Variants in FHOD3 observed in about 807,000 individuals in gnomAD.
The protein encoded by FHOD3 is FH1/FH2 domain-containing protein 3.
FHOD3 carries 90 observed loss-of-function variants against 173.0 expected under a neutral mutation model. That is an observed-to-expected ratio of 0.52 (90% CI 0.44 to 0.62). The LOEUF (loss-of-function observed/expected upper bound fraction) is 0.62. Ranked by LOEUF, FHOD3 falls within the 20% of genes least tolerant of loss-of-function variation. The probability of loss-of-function intolerance (pLI) is 0.00; values close to 1 mark genes in which losing one functional copy is unlikely to be tolerated. For missense variants in FHOD3, 1,945 were observed against 2,034.7 expected, an observed-to-expected ratio of 0.96 and a Z score of 0.85; for synonymous variants, 828 against 823.0, an observed-to-expected ratio of 1.01 and a Z score of -0.10.
Position 36,516,116 on chromosome 18 carries a change from C to CT in FHOD3, c.511+3581dup, listed in dbSNP as rs910394436. ...GACTTTGAACAATTTCTCACGTAGG[C>CT]TTTTTTTTAAGGTTCTGATAACTGC... On this transcript the variant is annotated intron_variant, in intron 5 of 28. Transcript: ENST00000590592. Among the ~76,000 whole-genome samples the CT allele has an allele frequency of 8.6e-5, 13 of 151,962 alleles. No individual in the cohort carries two copies. The South Asian group carries it at 1.7e-3, about 19-fold the overall frequency.
intron 19 of FHOD3, among the ~76,000 whole-genome samples, chr18:36,725,202 G>C (rs530283752): frequency 1.3e-5 from 2 of 152,338 alleles, no homozygotes; most frequent in African/African-American, 4.8e-5. Context: ...TGCTGAGGAA[G>C]AGGGCAGAGC....
At chr18:36,605,753 C>G (rs1000830258) in intron 8 of FHOD3, among the ~76,000 whole-genome samples, 2 of 152,130 alleles carry the variant, frequency 1.3e-5, no homozygotes, top group Admixed American at 6.6e-5. Flanking sequence ...GTAAACTCCT[C>G]TGAGATACCA....
chr18:36,640,354 C>A (rs1399432366), intron 10 of FHOD3, among the ~76,000 whole-genome samples: 1 of 152,108 alleles, frequency 6.6e-6, no homozygotes, highest in East Asian at 1.9e-4. Flanking sequence ...TTCAAGTTGG[C>A]CAGATATTTG....
chr18:36,747,517 T>G (rs540660497), intron 24 of FHOD3, among the ~76,000 whole-genome samples: 2 of 152,242 alleles, frequency 1.3e-5, no homozygotes, highest in East Asian at 3.9e-4. Flanking sequence ...CTCCTTTACC[T>G]GATCTGCAGC....
chr18:36,540,011 T>C (rs1276588202), intron 5 of FHOD3, among the ~76,000 whole-genome samples: 2 of 152,220 alleles, frequency 1.3e-5, no homozygotes, highest in Admixed American at 6.5e-5. Context: ...ATTTAAATCA[T>C]GATCCCTTTC....
intron 24 of FHOD3, among the ~76,000 whole-genome samples, chr18:36,753,122 A>G (rs1284415052): frequency 6.6e-6 from 1 of 152,178 alleles, no homozygotes; most frequent in Non-Finnish European, 1.5e-5. Flanking sequence ...TGCAGCTGTC[A>G]GTAGGGAAAA....
chr18:36,730,896 C>T, intron 20 of FHOD3, 92 bp downstream of exon 20: 1 of 1,347,512 alleles, frequency 7.4e-7, no homozygotes, highest in Non-Finnish European at 1.0e-6. Context: ...ATCCATGGTG[C>T]CTTTCTGTCT....
At chr18:36,557,095 A>G (rs535185934) in intron 5 of FHOD3, among the ~76,000 whole-genome samples, 31 of 152,152 alleles carry the variant, frequency 2.0e-4, no homozygotes, top group Non-Finnish European at 2.2e-4. Context: ...TTCTGTATCA[A>G]TGGTTTTCAT....
intron 3 of FHOD3, among the ~76,000 whole-genome samples, chr18:36,463,246 G>C (rs1332506484): frequency 6.7e-6 from 1 of 149,124 alleles, no homozygotes; most frequent in Non-Finnish European, 1.5e-5. Context: ...GAATAAATAG[G>C]AATTATTTTC....
chr18:36,643,273 G>A (rs1261778249), intron 10 of FHOD3, among the ~76,000 whole-genome samples: 2 of 152,036 alleles, frequency 1.3e-5, no homozygotes, highest in South Asian at 2.1e-4. Context: ...CACTGTTGAC[G>A]TTTTGAACTG....
chr18:36,481,020 GTTTTTT>G (rs35793521), intron 3 of FHOD3, among the ~76,000 whole-genome samples: 10 of 104,432 alleles, frequency 9.6e-5, no homozygotes, highest in South Asian at 3.2e-4. Context: ...TTGGGAGGTG[GTTTTTT>G]TTTTTTTTTT....
intron 1 of FHOD3, among the ~76,000 whole-genome samples, chr18:36,312,320 A>G (rs76537693): frequency 6.6e-6 from 1 of 151,488 alleles, no homozygotes; most frequent in Non-Finnish European, 1.5e-5. Context: ...CAAAGACCAC[A>G]CCTCCTCCTC....
chr18:36,338,622 C>T (rs1296274195), intron 1 of FHOD3, among the ~76,000 whole-genome samples: 3 of 152,154 alleles, frequency 2.0e-5, no homozygotes, highest in Non-Finnish European at 4.4e-5. Context: ...CCCTTAAGGG[C>T]TGTTTTCTGG....
rs764871748 is a variant in FHOD3, at chr18:36,658,196, C to T, written c.1835+8C>T. The T allele has an allele frequency of 5.1e-6, 8 of 1,561,482 alleles. No homozygotes were observed. Among genetic ancestry groups the T allele is most frequent in the South Asian group, 2.3e-5 (2 of 85,932 alleles). On this transcript the variant is annotated splice_region_variant and intron_variant, in intron 14 of 28. Transcript: ENST00000590592. ...GGAGGCCAGGTTGGAAAGGTGAGTT[C>T]GACAAGCACGCTGATAGCTTCACAG...
rs2040741193 is a variant in FHOD3, at chr18:36,720,779, TCTTCCTCCTCC to T, written c.3417+2065_3417+2075del. On this transcript the variant is annotated intron_variant, in intron 19 of 28. Coordinates refer to ENST00000590592, the MANE Select transcript of FHOD3 (RefSeq NM_001281740.3). ...CTCCTGCTCCTTCTCCTCCTCCTCC[TCTTCCTCCTCC>T]TCTTCCTCCTCCTCTTCCTCCCCTC... 6.2e-4 allele frequency among the ~76,000 whole-genome samples: 23 copies of T among 37,326 alleles called. 1 individual carries two copies. The South Asian group carries it at 0.029, about 47-fold the overall frequency. The allele number at this position is 37,326 out of a possible 152,430, so 24.5% of individuals were successfully genotyped here.
intron 19 of FHOD3, among the ~76,000 whole-genome samples, chr18:36,728,995 T>C (rs1256798420): frequency 6.6e-6 from 1 of 152,154 alleles, no homozygotes; most frequent in African/African-American, 2.4e-5. Flanking sequence ...CAAAGCCACT[T>C]CTTATCTCCT....
At chr18:36,695,284 G>T (rs985849626) in intron 17 of FHOD3, among the ~76,000 whole-genome samples, 2 of 151,716 alleles carry the variant, frequency 1.3e-5, no homozygotes, top group Non-Finnish European at 2.9e-5. Flanking sequence ...GGAGGCGGAG[G>T]TTGCAGTGAG....
At chr18:36,310,028 T>C (rs1451671405) in intron 1 of FHOD3, among the ~76,000 whole-genome samples, 3 of 152,188 alleles carry the variant, frequency 2.0e-5, no homozygotes, top group Non-Finnish European at 4.4e-5. Flanking sequence ...ACTCAGCACA[T>C]GGCTTCTGTT....
rs952458453 is a variant in FHOD3 at position 36,553,416 on chromosome 18, G to C, written c.512-23035G>C. Among the ~76,000 whole-genome samples, 4 of 152,160 alleles carry C rather than the reference G, an allele frequency of 2.6e-5. 1 individual carries two copies. The highest frequency in any genetic ancestry group is 1.3e-4 in the Admixed American group (2 of 15,270). The stretch of plus-strand genomic sequence containing the variant: ...ATGGTACCAGCTCTTCTTTGTACCT[G>C]TGGTAGAATTCGGCTGTGAATCCAT... On this transcript the variant is annotated intron_variant, in intron 5 of 28. Transcript: ENST00000590592.
Sources: allele counts gnomAD v4.1 joint callset (sites outside exome capture counted in the v4.1 genomes callset), GRCh38; gene constraint gnomAD v4.1.1; transcripts MANE v1.5; gene names NCBI Gene and HGNC (gene_info 2026-07-23, HGNC 2026-07-21).